The following GLIS1 variants were observed in gnomAD, a reference collection of about 807,000 sequenced individuals.
GLIS1 encodes GLIS family zinc finger 1, also known as zinc finger protein GLIS1.
GLIS1 carries 24 observed loss-of-function variants against 63.8 expected under a neutral mutation model. The ratio of observed to expected loss-of-function variants is 0.38; its 90% confidence interval spans 0.27 to 0.53. The LOEUF (loss-of-function observed/expected upper bound fraction) is 0.53. GLIS1 is among the 20% of genes least tolerant of loss of function. The pLI, the probability that GLIS1 is intolerant of heterozygous loss-of-function variation, is 0.85. For synonymous variants in GLIS1, 450 were observed against 482.5 expected (o/e 0.93, Z 0.88); for missense variants, 1,036 against 1,074.1 (o/e 0.96, Z 0.50).
chr1:53,564,755 T>C (rs1419869607), intron 4 of GLIS1, among the ~76,000 whole-genome samples: 2 of 152,086 alleles, frequency 1.3e-5, no homozygotes, highest in Non-Finnish European at 2.9e-5. Context: ...TAGGGATAGA[T>C]TGATTATCTA....
At chr1:53,622,006 G>A (rs1215902596) in intron 2 of GLIS1, among the ~76,000 whole-genome samples, 2 of 152,068 alleles carry the variant, frequency 1.3e-5, no homozygotes, top group Non-Finnish European at 2.9e-5. Flanking sequence ...AGGTTGGCCA[G>A]GATGGTCTCG....
chr1:53,506,326 T>C lies in GLIS1; in HGVS notation c.*293A>G. 2.4e-6 allele frequency: 1 copy of C among 415,878 alleles called. No individual in the cohort carries two copies. Among genetic ancestry groups the C allele is most frequent in the Non-Finnish European group, 4.3e-6 (1 of 232,500 alleles). The allele number at this position is 415,878 out of a possible 1,614,324, so 25.8% of individuals were successfully genotyped here. On this transcript the variant is annotated 3_prime_UTR_variant, in exon 11 of 11. Transcript: ENST00000628545. ...GAAAACAAGTTCTGCATATTTTATA[T>C]ACACGAGGTCTGTGATTTCAAAACC...
At chr1:53,510,453 C>A (rs1232887766) in intron 8 of GLIS1, among the ~76,000 whole-genome samples, 4 of 152,230 alleles carry the variant, frequency 2.6e-5, no homozygotes, top group Non-Finnish European at 5.9e-5. Context: ...GCATGCCACT[C>A]TGGCCACCTG....
In GLIS1 at chr1:53,526,976, G is replaced by C. The variant is rs540384800; in HGVS notation, c.1483-2089C>G. Among the ~76,000 whole-genome samples the C allele has an allele frequency of 2.0e-5, 3 of 152,334 alleles. No individual in the cohort carries two copies. The South Asian group carries it at 6.2e-4, about 32-fold the overall frequency. On this transcript the variant is annotated intron_variant, in intron 5 of 10. Coordinates refer to ENST00000628545, the MANE Select transcript of GLIS1 (RefSeq NM_001367484.1). The surrounding 1 kb of genome is among the most constrained non-coding windows in gnomAD (Gnocchi z 4.4). ...ACGCTCCGGGTGAGTCTGCCGTGCG[G>C]AGCCCCTGCCCGTCTGCACTTGGAG...
intron 4 of GLIS1, among the ~76,000 whole-genome samples, chr1:53,565,183 A>G (rs1227932868): frequency 6.6e-6 from 1 of 152,112 alleles, no homozygotes; most frequent in Non-Finnish European, 1.5e-5. Context: ...TTTACAATTT[A>G]TTGCAACTGA....
intron 2 of GLIS1, among the ~76,000 whole-genome samples, chr1:53,661,245 G>C (rs141995697): frequency 6.6e-6 from 1 of 152,232 alleles, no homozygotes; most frequent in East Asian, 1.9e-4. Flanking sequence ...ACCCAGTCGA[G>C]ACAGTCAGGG....
rs907712624 is a variant in GLIS1, at chr1:53,543,938, C to A, written c.1321-13986G>T. Among the ~76,000 whole-genome samples, 5 of 151,744 alleles carry A rather than the reference C, an allele frequency of 3.3e-5. No homozygotes were observed. In the East Asian group the frequency reaches 9.8e-4, roughly 30 times the overall value. ...GTCACTGAGAAAAGTTACATCCACA[C>A]GGGAGAGCAGGAAGGGGCCCCTGAG... On this transcript the variant is annotated intron_variant, in intron 4 of 10. Transcript: ENST00000628545.
intron 2 of GLIS1, among the ~76,000 whole-genome samples, chr1:53,701,379 GTCT>G (rs2100493572): frequency 6.6e-6 from 1 of 152,308 alleles, no homozygotes; most frequent in Admixed American, 6.5e-5. Context: ...CTCAGGGAAA[GTCT>G]TCTTCCCCCA....
At chr1:53,514,347 G>A (rs1367246918) in intron 8 of GLIS1, among the ~76,000 whole-genome samples, 1 of 152,144 alleles carries the variant, frequency 6.6e-6, no homozygotes, top group Admixed American at 6.5e-5. Flanking sequence ...CGCTGGGAGG[G>A]GCCACAGCAT....
At chr1:53,621,227 AG>A (rs1271918830) in intron 2 of GLIS1, among the ~76,000 whole-genome samples, 1 of 152,250 alleles carries the variant, frequency 6.6e-6, no homozygotes, top group African/African-American at 2.4e-5. Flanking sequence ...CCTGGCACAC[AG>A]TCCATAAAGG....
Position 53,574,051 on chromosome 1 carries a change from A to G in GLIS1, c.1320+20057T>C, listed in dbSNP as rs1301375457. Reference sequence around the variant, plus strand: ...GCAAAGATAGACCAACTGCTGCTCCATCCTGCAGCCGGCTCCAGGCACTCA... The same window carrying G: ...GCAAAGATAGACCAACTGCTGCTCCGTCCTGCAGCCGGCTCCAGGCACTCA... On this transcript the variant is annotated intron_variant, in intron 4 of 10. Coordinates refer to ENST00000628545, the MANE Select transcript of GLIS1 (RefSeq NM_001367484.1). This position sits in a 1 kb window ranked among gnomAD's most constrained non-coding sequence, Gnocchi z 4.2. Among the ~76,000 whole-genome samples the G allele has an allele frequency of 2.0e-5, 3 of 152,188 alleles. No homozygotes were observed. Among genetic ancestry groups the G allele is most frequent in the Non-Finnish European group, 2.9e-5 (2 of 68,030 alleles).
chr1:53,718,835 A>C (rs1317702455), intron 2 of GLIS1, among the ~76,000 whole-genome samples: 1 of 152,176 alleles, frequency 6.6e-6, no homozygotes, highest in African/African-American at 2.4e-5. Flanking sequence ...TGTCCTGTCC[A>C]GATTAACAAT....
At chr1:53,724,113 G>A (rs1646783054) in intron 2 of GLIS1, among the ~76,000 whole-genome samples, 1 of 152,174 alleles carries the variant, frequency 6.6e-6, no homozygotes, top group South Asian at 2.1e-4. Flanking sequence ...TCCAACAGGA[G>A]GCAGGACTGG....
At chr1:53,659,109 G>C (rs2100354676) in intron 2 of GLIS1, among the ~76,000 whole-genome samples, 1 of 152,310 alleles carries the variant, frequency 6.6e-6, no homozygotes, top group South Asian at 2.1e-4. Flanking sequence ...GAGGGTGCTG[G>C]GGAATAGCCC....
In GLIS1 at chr1:53,559,578, C is replaced by T. The variant is rs528356433; in HGVS notation, c.1321-29626G>A. Among the ~76,000 whole-genome samples the T allele has an allele frequency of 3.9e-3, 587 of 152,294 alleles. 4 individuals are homozygous for T. The highest frequency in any genetic ancestry group is 6.8e-3 in the Non-Finnish European group (465 of 68,000). On this transcript the variant is annotated intron_variant, in intron 4 of 10. Coordinates refer to ENST00000628545, the MANE Select transcript of GLIS1 (RefSeq NM_001367484.1). ...GCACTGGCTAGCCCCTCCCATCACT[C>T]ACTCACCATGCGGCTCTGCTCCCCC... is the stretch of plus-strand genomic sequence containing the variant.
rs139511343 is a variant in GLIS1 at position 53,705,825 on chromosome 1, A to G, written c.259+31981T>C. ...ATTAGCCTCTGCGGAAAGACTCCCA[A>G]TTAGGCTAATCCTGCCACTGAGCTT... On this transcript the variant is annotated intron_variant, in intron 2 of 10. Coordinates refer to ENST00000628545, the MANE Select transcript of GLIS1 (RefSeq NM_001367484.1). Among the ~76,000 whole-genome samples, 1,279 of 152,284 alleles carry G rather than the reference A, an allele frequency of 8.4e-3. 8 individuals carry two copies. Among genetic ancestry groups the G allele is most frequent in the Middle Eastern group, 0.041 (12 of 292 alleles).
At chr1:53,710,737 C>A (rs1323344769) in intron 2 of GLIS1, among the ~76,000 whole-genome samples, 4 of 152,206 alleles carry the variant, frequency 2.6e-5, no homozygotes, top group East Asian at 3.9e-4. Context: ...GAAGCTCCAA[C>A]ACAGGGCCTG....
intron 4 of GLIS1, among the ~76,000 whole-genome samples, chr1:53,571,719 G>A (rs1251308699): frequency 6.6e-6 from 1 of 152,088 alleles, no homozygotes; most frequent in African/African-American, 2.4e-5. Flanking sequence ...TGGGACTATA[G>A]GCGCCCGCCA....
At chr1:53,665,547 G>T (rs1462214279) in intron 2 of GLIS1, among the ~76,000 whole-genome samples, 1 of 152,144 alleles carries the variant, frequency 6.6e-6, no homozygotes, top group Admixed American at 6.5e-5. Flanking sequence ...TACTCAGGAG[G>T]CTGAGGGAGG....
Sources: allele counts gnomAD v4.1 joint callset (sites outside exome capture counted in the v4.1 genomes callset), GRCh38; gene constraint gnomAD v4.1.1; non-coding constraint Gnocchi (gnomAD v3.1); transcripts MANE v1.5; gene names NCBI Gene and HGNC (gene_info 2026-07-23, HGNC 2026-07-21).